Variants in HMGB1 observed in about 807,000 individuals in gnomAD.
HMGB1 encodes high mobility group protein B1.
For missense variants in HMGB1, 79 were observed against 253.5 expected, an observed-to-expected ratio of 0.31 and a Z score of 4.67; for synonymous variants, 81 against 84.0, an observed-to-expected ratio of 0.96 and a Z score of 0.19.
In HMGB1 at chr13:30,578,062, C is replaced by T. The variant is rs148723564; in HGVS notation, c.-15+38609G>A. ...CATGGAGGTAAGCAGCAAGAGACTC[C>T]GTGCAGTTCCTGGTGGTTCCCTGAC... On this transcript the variant is annotated intron_variant, in intron 1 of 4. Transcript: ENST00000405805. 3.8e-3 allele frequency among the ~76,000 whole-genome samples: 573 copies of T among 152,118 alleles called. 4 individuals are homozygous for T. Among genetic ancestry groups the T allele is most frequent in the African/African-American group, 0.013 (536 of 41,486 alleles).
At chr13:30,538,042 C>T (rs1375567587) in intron 1 of HMGB1, among the ~76,000 whole-genome samples, 2 of 152,236 alleles carry the variant, frequency 1.3e-5, no homozygotes, top group African/African-American at 2.4e-5. Flanking sequence ...TCCAATGAGC[C>T]CCTAAAGACA....
upstream of HMGB1, among the ~76,000 whole-genome samples, chr13:30,468,497 G>A (rs544190118): frequency 8.3e-4 from 126 of 152,162 alleles, 1 homozygote; most frequent in Middle Eastern, 0.031. Context: ...CAGGTGATCC[G>A]CCCACCTTGG....
At chr13:30,596,768 C>T (rs1871629440) in intron 1 of HMGB1, among the ~76,000 whole-genome samples, 1 of 152,164 alleles carries the variant, frequency 6.6e-6, no homozygotes, top group Admixed American at 6.5e-5. Flanking sequence ...GCATGATGTG[C>T]TCATTTCTGT....
chr13:30,530,680 G>A (rs1303987193), intron 1 of HMGB1, among the ~76,000 whole-genome samples: 1 of 152,164 alleles, frequency 6.6e-6, no homozygotes, highest in African/African-American at 2.4e-5. Context: ...TCTTAAAAAA[G>A]ACATAGTATA....
At chr13:30,516,838 G>A (rs368170674) in intron 1 of HMGB1, among the ~76,000 whole-genome samples, 1 of 152,246 alleles carries the variant, frequency 6.6e-6, no homozygotes, top group Admixed American at 6.5e-5. Flanking sequence ...GATCACTTGA[G>A]ACTGGGAGAT....
chr13:30,598,226 C>G (rs1215160683), intron 1 of HMGB1, among the ~76,000 whole-genome samples: 1 of 152,196 alleles, frequency 6.6e-6, no homozygotes, highest in South Asian at 2.1e-4. Context: ...TGACTTACAT[C>G]TAGAGATTTA....
At chr13:30,521,088 G>T (rs1290251257) in intron 1 of HMGB1, among the ~76,000 whole-genome samples, 1 of 152,178 alleles carries the variant, frequency 6.6e-6, no homozygotes, top group African/African-American at 2.4e-5. Flanking sequence ...CTGAATTTCA[G>T]ACATGTTGGT....
At chr13:30,481,933 G>A (rs1007513452) in intron 1 of HMGB1, among the ~76,000 whole-genome samples, 1 of 151,986 alleles carries the variant, frequency 6.6e-6, no homozygotes, top group African/African-American at 2.4e-5. Context: ...AGGTTCAAGC[G>A]ATTCTCCTGC....
chr13:30,492,860 G>A (rs1204783311), intron 1 of HMGB1, among the ~76,000 whole-genome samples: 1 of 151,740 alleles, frequency 6.6e-6, no homozygotes, highest in Admixed American at 6.6e-5. Context: ...GCGTGGTAGC[G>A]TGGGCCTGTA....
At chr13:30,529,251 G>A (rs936908547) in intron 1 of HMGB1, among the ~76,000 whole-genome samples, 21 of 152,184 alleles carry the variant, frequency 1.4e-4, no homozygotes, top group African/African-American at 5.1e-4. Flanking sequence ...CCCCTTTAGG[G>A]ACATTACCTG....
chr13:30,559,614 GA>G lies in HMGB1; in HGVS notation c.-15+57056del, dbSNP rs1384291224. Reference sequence around the variant, plus strand: ...GCCACATAGGGAAATCAGTTTTTAAGAAAGCGGATGGAATTCAGCTGCAAAT... The same window carrying G: ...GCCACATAGGGAAATCAGTTTTTAAGAAGCGGATGGAATTCAGCTGCAAAT... On this transcript the variant is annotated intron_variant, in intron 1 of 4. Coordinates refer to the HMGB1 transcript ENST00000405805. The surrounding 1 kb of genome is among the most constrained non-coding windows in gnomAD (Gnocchi z 6.6). Among the ~76,000 whole-genome samples the G allele has an allele frequency of 6.6e-6, 1 of 152,176 alleles. No homozygotes were observed. The highest frequency in any genetic ancestry group is 6.5e-5 in the Admixed American group (1 of 15,272).
intron 1 of HMGB1, among the ~76,000 whole-genome samples, chr13:30,521,745 G>C (rs1160285833): frequency 1.3e-5 from 2 of 152,202 alleles, no homozygotes; most frequent in Admixed American, 1.3e-4. Flanking sequence ...AAGTAGAACT[G>C]CTGGATCACA....
At chr13:30,604,563 A>G (rs1425628815) in intron 1 of HMGB1, among the ~76,000 whole-genome samples, 1 of 152,216 alleles carries the variant, frequency 6.6e-6, no homozygotes, top group African/African-American at 2.4e-5. Context: ...GATAGTACCA[A>G]GGCTGAGAAA....
intron 1 of HMGB1, among the ~76,000 whole-genome samples, chr13:30,525,787 CCT>C (rs1379351167): frequency 2.4e-4 from 36 of 151,200 alleles, no homozygotes; most frequent in African/African-American, 8.3e-4. Flanking sequence ...GGAAATGGCC[CCT>C]GTGATTCAAT....
At chr13:30,568,348 C>T (rs544564606) in intron 1 of HMGB1, among the ~76,000 whole-genome samples, 93 of 152,086 alleles carry the variant, frequency 6.1e-4, no homozygotes, top group African/African-American at 2.0e-3. Context: ...TCTCTATAAG[C>T]AATAAAAAAT....
upstream of HMGB1, among the ~76,000 whole-genome samples, chr13:30,466,529 T>A (rs1886792146): frequency 6.6e-6 from 1 of 152,164 alleles, no homozygotes; most frequent in Non-Finnish European, 1.5e-5. Context: ...GAAAGTGACA[T>A]GATCCAGCCA....
At chr13:30,464,534 T>A (rs1886592057) in intron 1 of HMGB1, 2 of 984,214 alleles carry the variant, frequency 2.0e-6, no homozygotes, top group African/African-American at 3.5e-5. Context: ...GCGGCCCGGC[T>A]CCCAGGCCCG....
intron 1 of HMGB1, among the ~76,000 whole-genome samples, chr13:30,556,134 G>C (rs1355039050): frequency 6.6e-6 from 1 of 152,240 alleles, no homozygotes; most frequent in African/African-American, 2.4e-5. Flanking sequence ...GCTGGGCGTG[G>C]TGGCTCACGC....
upstream of HMGB1, among the ~76,000 whole-genome samples, chr13:30,467,237 A>G (rs538641978): frequency 5.9e-5 from 9 of 152,268 alleles, no homozygotes; most frequent in South Asian, 1.9e-3. Flanking sequence ...TCACTCTCTA[A>G]TGGTATTTTG....
Sources: allele counts gnomAD v4.1 joint callset (sites outside exome capture counted in the v4.1 genomes callset), GRCh38; gene constraint gnomAD v4.1.1; non-coding constraint Gnocchi (gnomAD v3.1); transcripts MANE v1.5; gene names NCBI Gene and HGNC (gene_info 2026-07-23, HGNC 2026-07-21).